Variants in GALNT17 observed in about 807,000 individuals in gnomAD.
GALNT17 encodes polypeptide N-acetylgalactosaminyltransferase 17.
In GALNT17, 29 loss-of-function variants were observed where a neutral mutation model predicts 63.7. That is an observed-to-expected ratio of 0.46 (90% CI 0.34 to 0.62). The LOEUF is 0.62. Among genes scored for constraint, GALNT17 ranks in the 20% least tolerant of loss-of-function variants. The probability of loss-of-function intolerance (pLI) is 0.01; values close to 1 mark genes in which losing one functional copy is unlikely to be tolerated. For missense variants in GALNT17, 603 were observed against 799.6 expected (o/e 0.75, Z 2.97); for synonymous variants, 305 against 318.3 (o/e 0.96, Z 0.45).
chr7:71,144,936 G>A (rs888962155), intron 1 of GALNT17, among the ~76,000 whole-genome samples: 1 of 152,142 alleles, frequency 6.6e-6, no homozygotes, highest in Non-Finnish European at 1.5e-5. Flanking sequence ...CACCATGTTA[G>A]CCAGGATGGT....
chr7:71,654,897 G>T (rs1047004656), intron 6 of GALNT17, among the ~76,000 whole-genome samples: 2 of 151,938 alleles, frequency 1.3e-5, no homozygotes, highest in African/African-American at 2.4e-5. Context: ...CGAGCGATTC[G>T]TCTGCCTCAG....
intron 9 of GALNT17, among the ~76,000 whole-genome samples, chr7:71,695,420 G>A (rs1471427688): frequency 1.3e-5 from 2 of 152,186 alleles, no homozygotes; most frequent in Non-Finnish European, 2.9e-5. Flanking sequence ...CAGAGGAAGG[G>A]CCCTTGGGAC....
At chr7:71,249,316 C>A (rs1416997090) in intron 1 of GALNT17, among the ~76,000 whole-genome samples, 2 of 152,050 alleles carry the variant, frequency 1.3e-5, no homozygotes, top group African/African-American at 4.8e-5. Flanking sequence ...TTTTTTCTCT[C>A]GTTAATTTTG....
chr7:71,311,843 G>A (rs1562993056), intron 1 of GALNT17, among the ~76,000 whole-genome samples: 3 of 152,302 alleles, frequency 2.0e-5, no homozygotes, highest in South Asian at 4.1e-4. Context: ...GAGATGCAAG[G>A]AACATTAGCC....
chr7:71,305,675 C>T (rs1340352371), intron 1 of GALNT17, among the ~76,000 whole-genome samples: 3 of 152,052 alleles, frequency 2.0e-5, no homozygotes, highest in Admixed American at 6.6e-5. Context: ...CAGTCCAGTG[C>T]GGGGTCAGCA....
At chr7:71,397,044 T>C (rs899469918) in intron 3 of GALNT17, among the ~76,000 whole-genome samples, 20 of 152,208 alleles carry the variant, frequency 1.3e-4, no homozygotes, top group Admixed American at 1.3e-4. Context: ...ATATAGAATA[T>C]TGTGTTATCT....
intron 1 of GALNT17, among the ~76,000 whole-genome samples, chr7:71,141,595 T>C (rs1230603866): frequency 6.6e-6 from 1 of 152,044 alleles, no homozygotes; most frequent in Non-Finnish European, 1.5e-5. Flanking sequence ...ATGAGTGCTG[T>C]TTCCCATCAT....
intron 5 of GALNT17, among the ~76,000 whole-genome samples, chr7:71,570,371 C>T (rs1789419282): frequency 6.6e-6 from 1 of 152,110 alleles, no homozygotes; most frequent in Admixed American, 6.5e-5. Context: ...TCTCTAAAGA[C>T]CCCACCCTGG....
intron 9 of GALNT17, among the ~76,000 whole-genome samples, chr7:71,686,226 A>G (rs1222049087): frequency 2.0e-5 from 3 of 152,288 alleles, no homozygotes; most frequent in Non-Finnish European, 2.9e-5. Flanking sequence ...AAGTTCTGGA[A>G]TTACAGGCGT....
intron 5 of GALNT17, among the ~76,000 whole-genome samples, chr7:71,570,513 A>G (rs759714727): frequency 4.0e-5 from 6 of 151,608 alleles, no homozygotes; most frequent in Non-Finnish European, 8.8e-5. Flanking sequence ...CTTGCTTCTC[A>G]CCTCCAAGCT....
At chr7:71,693,307 C>CATATATATATATAT (rs1397260396) in intron 9 of GALNT17, among the ~76,000 whole-genome samples, 5 of 126,682 alleles carry the variant, frequency 3.9e-5, no homozygotes, top group South Asian at 3.4e-4. Context: ...CACACACACA[C>CATATATATATATAT]ACATATATAT....
At chr7:71,410,296 A>G (rs1583927921) in intron 3 of GALNT17, among the ~76,000 whole-genome samples, 1 of 150,544 alleles carries the variant, frequency 6.6e-6, no homozygotes, top group African/African-American at 2.5e-5. Context: ...CCCAGGCTAT[A>G]GTGCAGTGGC....
At chr7:71,643,414 G>C (rs934126719) in intron 6 of GALNT17, among the ~76,000 whole-genome samples, 1 of 152,168 alleles carries the variant, frequency 6.6e-6, no homozygotes, top group Non-Finnish European at 1.5e-5. Flanking sequence ...GTTGCAGTGA[G>C]CTGAGATTGC....
intron 9 of GALNT17, among the ~76,000 whole-genome samples, chr7:71,701,812 TATACACATATATATAC>T (rs1361280176): frequency 1.9e-4 from 4 of 20,598 alleles, no homozygotes; most frequent in African/African-American, 2.6e-4. Flanking sequence ...TGTATATATA[TATACACATATATATAC>T]ACATATATAT....
chr7:71,627,121 C>T lies in GALNT17; in HGVS notation c.1081-38290C>T, dbSNP rs973327851. On this transcript the variant is annotated intron_variant, in intron 6 of 10. Transcript: ENST00000333538. ...TCTTCTGCAAAAAATAAAGGAGTTT[C>T]GTGAACAGACACGTTTGGAAGCTTG... 7.9e-5 allele frequency among the ~76,000 whole-genome samples: 12 copies of T among 152,314 alleles called. No homozygotes were observed. The South Asian group carries it at 2.1e-3, about 26-fold the overall frequency.
intron 6 of GALNT17, among the ~76,000 whole-genome samples, chr7:71,606,493 G>T (rs1004561502): frequency 1.3e-5 from 2 of 152,104 alleles, no homozygotes; most frequent in African/African-American, 4.8e-5. Context: ...TTACTGACCT[G>T]TAATAGCATC....
At chr7:71,228,848 C>T (rs1359318210) in intron 1 of GALNT17, among the ~76,000 whole-genome samples, 1 of 152,170 alleles carries the variant, frequency 6.6e-6, no homozygotes, top group Non-Finnish European at 1.5e-5. Flanking sequence ...AATAAATTAC[C>T]ATTCATGGGT....
chr7:71,542,539 A>G (rs893180531), intron 5 of GALNT17, among the ~76,000 whole-genome samples: 2 of 151,892 alleles, frequency 1.3e-5, no homozygotes, highest in African/African-American at 4.8e-5. Flanking sequence ...TACTAAAAAT[A>G]CAAAAAATTA....
At chr7:71,173,000 C>T (rs528984950) in intron 1 of GALNT17, among the ~76,000 whole-genome samples, 1 of 152,100 alleles carries the variant, frequency 6.6e-6, no homozygotes, top group Non-Finnish European at 1.5e-5. Context: ...GTTTTCTTGG[C>T]ACTCCAAAGC....
Sources: allele counts gnomAD v4.1 joint callset (sites outside exome capture counted in the v4.1 genomes callset), GRCh38; gene constraint gnomAD v4.1.1; transcripts MANE v1.5; gene names NCBI Gene and HGNC (gene_info 2026-07-23, HGNC 2026-07-21).